AP1AR: variants seen among roughly 807,000 people sequenced by gnomAD.
AP1AR encodes AP-1 complex-associated regulatory protein.
A neutral mutation model predicts 46.3 loss-of-function variants in AP1AR; 29 were observed. The ratio of observed to expected loss-of-function variants is 0.63; its 90% CI spans 0.47 to 0.85. The LOEUF is 0.85. Ranked by LOEUF, AP1AR falls within the 40% of genes least tolerant of loss-of-function variation. The pLI is 0.00. For synonymous variants in AP1AR, 122 were observed against 122.9 expected (o/e 0.99, Z 0.05); for missense variants, 357 against 356.3 (o/e 1.00, Z -0.02).
intron 1 of AP1AR, among the ~76,000 whole-genome samples, chr4:112,243,993 ATTT>A (rs1371576614): frequency 1.3e-5 from 2 of 152,194 alleles, no homozygotes; most frequent in African/African-American, 2.4e-5. Flanking sequence ...GCAATCTAAT[ATTT>A]TGTCAAAACT....
intron 5 of AP1AR, among the ~76,000 whole-genome samples, chr4:112,262,257 T>C (rs1726483872): frequency 6.6e-6 from 1 of 152,112 alleles, no homozygotes; most frequent in South Asian, 2.1e-4. Context: ...AAGGCTGCAG[T>C]GTTGGTGCCA....
intron 1 of AP1AR, among the ~76,000 whole-genome samples, chr4:112,236,351 C>T (rs1301555491): frequency 6.6e-6 from 1 of 151,690 alleles, no homozygotes; most frequent in Non-Finnish European, 1.5e-5. Context: ...CTTTCCTTTG[C>T]TCAGCAACTT....
Position 112,266,692 on chromosome 4 carries a change from G to A in AP1AR, c.619G>A (p.Asp207Asn), listed in dbSNP as rs1433935845. ...TGGAAATGACGACAGCACATCCTTA[G>A]ATCTAGAGTGGGAAGATGAAGAAGG... ...TSGNDDSTSL[D>N]LEWEDEEGMN... is the part of the protein sequence containing the mutation. The change falls in exon 9 of 10, where the codon GAT becomes AAT. Residue 207 changes from aspartate (D) to asparagine (N), a missense_variant. Physicochemically the swap from Asp to Asn is conservative, Grantham distance 23. Coordinates refer to ENST00000274000, the MANE Select transcript of AP1AR (RefSeq NM_018569.6). 1 of 1,607,180 alleles carries A rather than the reference G, an allele frequency of 6.2e-7. No individual in the cohort carries two copies. The highest frequency in any genetic ancestry group is 8.5e-7 in the Non-Finnish European group (1 of 1,176,546).
chr4:112,253,630 G>A (rs978902295), intron 2 of AP1AR, among the ~76,000 whole-genome samples: 1 of 152,152 alleles, frequency 6.6e-6, no homozygotes. Flanking sequence ...CAGAATGACC[G>A]AGTCACTTTT....
chr4:112,250,903 T>C (rs1466959903), intron 1 of AP1AR, among the ~76,000 whole-genome samples: 1 of 152,234 alleles, frequency 6.6e-6, no homozygotes, highest in Admixed American at 6.5e-5. Context: ...TCACTTATAT[T>C]CATGTTTATT....
rs1474652907 is a variant in AP1AR, at chr4:112,268,550, G to A, written c.*141G>A. ...TAAATGCTTATTTTATTACAAAGGA[G>A]TAGGGATGATAGGATCTGAATTGAT... is the stretch of plus-strand genomic sequence containing the variant. On this transcript the variant is annotated 3_prime_UTR_variant, in exon 10 of 10. Transcript: ENST00000274000. 7 of 817,786 alleles carry A rather than the reference G, an allele frequency of 8.6e-6. No individual in the cohort carries two copies. The highest frequency in any genetic ancestry group is 1.3e-5 in the Non-Finnish European group (7 of 559,846). 50.7% of individuals were successfully genotyped at this position (817,786 alleles called of 1,614,324 possible).
chr4:112,246,226 C>T (rs887904798), intron 1 of AP1AR, among the ~76,000 whole-genome samples: 5 of 152,134 alleles, frequency 3.3e-5, no homozygotes, highest in African/African-American at 9.7e-5. Context: ...TAATTTTAGG[C>T]TGGGTGTGGT....
Position 112,248,867 on chromosome 4 carries a change from G to A in AP1AR, c.84-4341G>A, listed in dbSNP as rs189594772. On this transcript the variant is annotated intron_variant, in intron 1 of 9. Transcript: ENST00000274000. ...GCCAAGTAGAGTTTTGCCTCAGAGC[G>A]TTTGCTTTTGCTTTTCCTCTGTTTA... Among the ~76,000 whole-genome samples, 39 of 152,234 alleles carry A rather than the reference G, an allele frequency of 2.6e-4. No individual in the cohort carries two copies. The East Asian group carries it at 5.8e-3, about 23-fold the overall frequency.
chr4:112,268,141 T>G lies in AP1AR; in HGVS notation c.644-3T>G. On this transcript the variant is annotated splice_region_variant and splice_polypyrimidine_tract_variant and intron_variant, in intron 9 of 9. Transcript: ENST00000274000. ...ATTTTTGAAAACTCTGTTCAAATCA[T>G]AGGAATGAATAGAATGCTTCCAATG... 6.5e-7 allele frequency: 1 copy of G among 1,531,500 alleles called. No homozygotes were observed. The highest frequency in any genetic ancestry group is 8.8e-7 in the Non-Finnish European group (1 of 1,141,824). The allele number at this position is 1,531,500 out of a possible 1,614,324, so 94.9% of individuals were successfully genotyped here. A position where few individuals can be genotyped will look rare whatever the true frequency, so the allele number is the denominator to read the frequency against.
At chr4:112,238,450 TTATAA>T (rs1725347001) in intron 1 of AP1AR, among the ~76,000 whole-genome samples, 1 of 152,086 alleles carries the variant, frequency 6.6e-6, no homozygotes, top group Non-Finnish European at 1.5e-5. Context: ...AAAATATTTA[TTATAA>T]TATATATTGC....
Position 112,270,199 on chromosome 4 carries a change from TA to T in AP1AR, c.*1798del, listed in dbSNP as rs912377363. Among the ~76,000 whole-genome samples the T allele has an allele frequency of 9.9e-5, 15 of 152,178 alleles. No individual in the cohort carries two copies. Among genetic ancestry groups the T allele is most frequent in the South Asian group, 2.1e-4 (1 of 4,822 alleles). ...GAACTAGAAAATGTGTTTTAACTGT[TA>T]AAAAAAAGTTAACGTTTTGTTTTGT... On this transcript the variant is annotated 3_prime_UTR_variant, in exon 10 of 10. Coordinates refer to ENST00000274000, the MANE Select transcript of AP1AR (RefSeq NM_018569.6).
chr4:112,266,198 T>TA (rs1476095826), intron 8 of AP1AR, among the ~76,000 whole-genome samples: 1 of 151,862 alleles, frequency 6.6e-6, no homozygotes, highest in Non-Finnish European at 1.5e-5. Flanking sequence ...CAAAAACTCT[T>TA]ATGCTTCCCA....
At chr4:112,248,142 T>G (rs996936763) in intron 1 of AP1AR, among the ~76,000 whole-genome samples, 7 of 152,100 alleles carry the variant, frequency 4.6e-5, no homozygotes, top group African/African-American at 1.7e-4. Context: ...AGGAAAAATA[T>G]CAGGTAAATC....
chr4:112,232,620 A>G (rs1725064230), intron 1 of AP1AR, among the ~76,000 whole-genome samples: 1 of 152,206 alleles, frequency 6.6e-6, no homozygotes, highest in African/African-American at 2.4e-5. Flanking sequence ...TTAATGCCTC[A>G]GATTGATTTT....
At chr4:112,254,853 C>T (rs1726115914) in intron 3 of AP1AR, 80 bp downstream of exon 3, 1 of 692,270 alleles carries the variant, frequency 1.4e-6, no homozygotes, top group Non-Finnish European at 2.2e-6. Context: ...ATTACGTTTA[C>T]AATTTTTATT....
chr4:112,270,273 G>T lies in AP1AR; in HGVS notation c.*1864G>T, dbSNP rs1726896303. On this transcript the variant is annotated 3_prime_UTR_variant, in exon 10 of 10. Coordinates refer to ENST00000274000, the MANE Select transcript of AP1AR (RefSeq NM_018569.6). ...AACTTATTCAGCAAATATTGGAATA[G>T]TATTTAATATTATTGGAACTGTGTC... 6.6e-6 allele frequency among the ~76,000 whole-genome samples: 1 copy of T among 152,164 alleles called. No homozygotes were observed. Among genetic ancestry groups the T allele is most frequent in the Admixed American group, 6.6e-5 (1 of 15,260 alleles).
At chr4:112,246,751 A>G (rs937500860) in intron 1 of AP1AR, among the ~76,000 whole-genome samples, 1 of 152,222 alleles carries the variant, frequency 6.6e-6, no homozygotes, top group African/African-American at 2.4e-5. Flanking sequence ...CAGAACAAAG[A>G]AAGTTAATTA....
intron 1 of AP1AR, among the ~76,000 whole-genome samples, chr4:112,238,292 A>G (rs964725994): frequency 6.6e-6 from 1 of 152,190 alleles, no homozygotes; most frequent in African/African-American, 2.4e-5. Context: ...AATTTCTCCT[A>G]TCCTTCATTT....
At chr4:112,243,025 A>G (rs1725576792) in intron 1 of AP1AR, among the ~76,000 whole-genome samples, 1 of 152,196 alleles carries the variant, frequency 6.6e-6, no homozygotes, top group African/African-American at 2.4e-5. Context: ...CCTAATTAAC[A>G]CACCTGAATA....
Sources: gnomAD v4.1 joint callset for allele counts (sites outside exome capture counted in the v4.1 genomes callset) on GRCh38, gnomAD v4.1.1 for gene constraint, MANE v1.5 for transcripts, NCBI Gene and HGNC (gene_info 2026-07-23, HGNC 2026-07-21) for gene names.